Variants in DNAH8 observed in about 807,000 individuals in gnomAD.
The protein encoded by DNAH8 is axonemal beta dynein heavy chain 8.
DNAH8 carries 382 observed loss-of-function variants against 562.1 expected under a neutral mutation model. The ratio of observed to expected loss-of-function variants is 0.68; its 90% CI spans 0.63 to 0.74. The LOEUF is 0.74. Ranked by LOEUF, DNAH8 falls within the 30% of genes least tolerant of loss-of-function variation. The pLI, the probability that DNAH8 is intolerant of heterozygous loss-of-function variation, is 0.00. For missense variants in DNAH8, 5,203 were observed against 5,620.4 expected (o/e 0.93, Z 2.37); for synonymous variants, 1,881 against 1,919.4 (o/e 0.98, Z 0.52).
chr6:38,727,649 G>A (rs762176710), intron 3 of DNAH8, among the ~76,000 whole-genome samples: 1 of 152,180 alleles, frequency 6.6e-6, no homozygotes, highest in Non-Finnish European at 1.5e-5. Context: ...TCTAGAAATA[G>A]TCTTTTATTG....
intron 91 of DNAH8, among the ~76,000 whole-genome samples, chr6:39,026,261 C>G (rs955843954): frequency 6.6e-6 from 1 of 152,166 alleles, no homozygotes; most frequent in Non-Finnish European, 1.5e-5. Context: ...GCCTTTAAGA[C>G]TTGAGCAGCT....
At chr6:38,954,903 T>C (rs1762146649) in intron 82 of DNAH8, among the ~76,000 whole-genome samples, 2 of 152,300 alleles carry the variant, frequency 1.3e-5, no homozygotes, top group South Asian at 4.1e-4. Context: ...TTCTGATAAG[T>C]CCTTTAAAAC....
At chr6:38,801,012 T>G (rs1448380595) in intron 21 of DNAH8, among the ~76,000 whole-genome samples, 3 of 152,176 alleles carry the variant, frequency 2.0e-5, no homozygotes, top group African/African-American at 7.2e-5. Flanking sequence ...TTCAATTTCT[T>G]TATGGTGTTC....
chr6:38,742,818 G>A (rs571587903), intron 8 of DNAH8, among the ~76,000 whole-genome samples: 125 of 152,042 alleles, frequency 8.2e-4, no homozygotes, highest in Non-Finnish European at 1.3e-3. Flanking sequence ...TCTGTGGTAT[G>A]TATGTGTGAG....
chr6:38,872,532 G>A lies in DNAH8; in HGVS notation c.6991-4G>A. The A allele has an allele frequency of 6.2e-7, 1 of 1,612,540 alleles. No individual in the cohort carries two copies. Among genetic ancestry groups the A allele is most frequent in the Non-Finnish European group, 8.5e-7 (1 of 1,178,916 alleles). ...ATATTTTAATTTACTGGTTAATTGT[G>A]TAGTTATATGAGACGTCTTTGGTAC... is the stretch of plus-strand genomic sequence containing the variant. On this transcript the variant is annotated splice_region_variant and splice_polypyrimidine_tract_variant and intron_variant, in intron 49 of 92. Coordinates refer to ENST00000327475, the MANE Select transcript of DNAH8 (RefSeq NM_001206927.2).
At chr6:38,829,329 TA>T (rs1471784811) in intron 30 of DNAH8, among the ~76,000 whole-genome samples, 5 of 152,210 alleles carry the variant, frequency 3.3e-5, no homozygotes, top group Non-Finnish European at 1.5e-5. Flanking sequence ...CAAAGTTTTT[TA>T]CTTTGATGAA....
rs545186102 is a variant in DNAH8, at chr6:38,850,569, A to C, written c.5363+155A>C. ...CATAGATTGAACTTTTCTGTGAGGA[A>C]GACACCTTTGACTTGGGGGTGGTTA... is the stretch of plus-strand genomic sequence containing the variant. On this transcript the variant is annotated intron_variant, in intron 38 of 92. Transcript: ENST00000327475. 4.6e-5 allele frequency among the ~76,000 whole-genome samples: 7 copies of C among 152,310 alleles called. No individual in the cohort carries two copies. In the South Asian group the frequency reaches 1.5e-3, roughly 32 times the overall value.
intron 88 of DNAH8, among the ~76,000 whole-genome samples, chr6:38,994,883 A>T (rs1249470250): frequency 6.6e-6 from 1 of 152,040 alleles, no homozygotes; most frequent in African/African-American, 2.4e-5. Context: ...ACCACACGTG[A>T]TCCGCCAGCC....
intron 41 of DNAH8, among the ~76,000 whole-genome samples, chr6:38,855,155 A>T (rs1028695778): frequency 6.6e-6 from 1 of 151,892 alleles, no homozygotes; most frequent in Non-Finnish European, 1.5e-5. Context: ...TAACATTTTT[A>T]TCTGAAATTG....
intron 45 of DNAH8, 84 bp downstream of exon 45, chr6:38,864,144 T>C (rs781451599): frequency 2.3e-5 from 29 of 1,239,000 alleles, no homozygotes; most frequent in Admixed American, 2.5e-5. Context: ...AATGGGTAGA[T>C]GACCAACTAT....
Position 38,984,766 on chromosome 6 carries a change from G to C in DNAH8, c.13053+459G>C, listed in dbSNP as rs185508320. Among the ~76,000 whole-genome samples the C allele has an allele frequency of 4.3e-3, 650 of 152,140 alleles. 5 individuals carry two copies. Among genetic ancestry groups the C allele is most frequent in the African/African-American group, 0.013 (557 of 41,512 alleles). Reference sequence around the variant, plus strand: ...GGATCGCACCACTGCACTCCAGCCTGGTGACAGAGTGAGACTCTGTCTCAA... The same window carrying C: ...GGATCGCACCACTGCACTCCAGCCTCGTGACAGAGTGAGACTCTGTCTCAA... On this transcript the variant is annotated intron_variant, in intron 87 of 92. Transcript: ENST00000327475.
At chr6:38,819,855 C>T (rs567616563) in intron 26 of DNAH8, among the ~76,000 whole-genome samples, 43 of 152,072 alleles carry the variant, frequency 2.8e-4, no homozygotes, top group African/African-American at 9.6e-4. Flanking sequence ...ATAATAGAAA[C>T]ACAGATTTTT....
Position 38,883,208 on chromosome 6 carries a change from A to C in DNAH8, c.8002-114A>C, listed in dbSNP as rs1778644390. 2.9e-6 allele frequency: 4 copies of C among 1,360,840 alleles called. No individual in the cohort carries two copies. In the East Asian group the frequency reaches 9.6e-5, roughly 33 times the overall value. 84.3% of individuals were successfully genotyped at this position (1,360,840 alleles called of 1,614,324 possible). ...TTTTGATGGTAGATGCAATTCTAAA[A>C]AGTTATTAAAAATTAGTTGTATTAA... On this transcript the variant is annotated intron_variant, in intron 54 of 92. Coordinates refer to ENST00000327475, the MANE Select transcript of DNAH8 (RefSeq NM_001206927.2).
At chr6:38,887,486 T>C (rs1382055960) in intron 57 of DNAH8, among the ~76,000 whole-genome samples, 1 of 152,196 alleles carries the variant, frequency 6.6e-6, no homozygotes, top group East Asian at 1.9e-4. Flanking sequence ...GTGAGAGAAT[T>C]GCTGGAGGCC....
chr6:38,863,894 G>A lies in DNAH8; in HGVS notation c.6332G>A (p.Trp2111Ter). 1 of 1,599,270 alleles carries A rather than the reference G, an allele frequency of 6.3e-7. No homozygotes were observed. Among genetic ancestry groups the A allele is most frequent in the East Asian group, 2.2e-5 (1 of 44,800 alleles). Residue 2111 changes from tryptophan to a stop codon, truncating the protein, a stop_gained, in exon 45 of 93, where the codon TGG becomes TAG. Transcript: ENST00000327475. LOFTEE classifies it high-confidence loss of function. The stretch of plus-strand genomic sequence containing the variant: ...CCAGGTCTTGCACAGTCGGGTTCCT[G>A]GGGCTGTTTTGATGAGTTTAACAGA... ...IFKGLAQSGSWGCFDEFNRIE... is the reference protein window; with the variant it reads ...IFKGLAQSGS
chr6:38,774,825 C>A (rs1738265), intron 12 of DNAH8, among the ~76,000 whole-genome samples: 15,160 of 152,172 alleles, frequency 0.1, 1,387 homozygotes, highest in East Asian at 0.44. Context: ...ATAGAGCATG[C>A]GCAGCATGCT....
At chr6:38,725,273 A>C (rs1763112722) in intron 3 of DNAH8, among the ~76,000 whole-genome samples, 1 of 149,504 alleles carries the variant, frequency 6.7e-6, no homozygotes, top group African/African-American at 2.5e-5. Context: ...ACTGCACTCC[A>C]TCCTGGGCGA....
At chr6:38,958,646 CAAAAAAAAAAAA>C (rs35382684) in intron 82 of DNAH8, among the ~76,000 whole-genome samples, 1 of 58,892 alleles carries the variant, frequency 1.7e-5, no homozygotes, top group Non-Finnish European at 3.1e-5. Context: ...AGTCTCCCAT[CAAAAAAAAAAAA>C]AAAAAAAAAA....
At chr6:39,011,981 T>G (rs1766242272) in intron 89 of DNAH8, among the ~76,000 whole-genome samples, 2 of 152,220 alleles carry the variant, frequency 1.3e-5, no homozygotes, top group African/African-American at 2.4e-5. Context: ...TTCCAATTAT[T>G]AGCTAAGTAC....
Sources: gnomAD v4.1 joint callset for allele counts (sites outside exome capture counted in the v4.1 genomes callset) on GRCh38, gnomAD v4.1.1 for gene constraint, MANE v1.5 for transcripts, NCBI Gene and HGNC (gene_info 2026-07-23, HGNC 2026-07-21) for gene names.